The following ATP6V1D variants were observed in gnomAD, a reference collection of about 807,000 sequenced individuals.
ATP6V1D encodes the protein V-type proton ATPase subunit D.
In ATP6V1D, 20 loss-of-function variants were observed where a neutral mutation model predicts 39.4. The ratio of observed to expected loss-of-function variants is 0.51; its 90% CI spans 0.36 to 0.74. The LOEUF is 0.74. Ranked by LOEUF, ATP6V1D falls within the 30% of genes least tolerant of loss-of-function variation. The probability of loss-of-function intolerance (pLI) is 0.00; values close to 1 mark genes in which losing one functional copy is unlikely to be tolerated. For missense variants in ATP6V1D, 228 were observed against 291.6 expected (o/e 0.78, Z 1.59); for synonymous variants, 100 against 100.5 (o/e 0.99, Z 0.03).
intron 7 of ATP6V1D, 29 bp from the exon 8 acceptor site, chr14:67,340,547 G>C (rs2085572511): frequency 6.4e-7 from 1 of 1,570,012 alleles, no homozygotes; most frequent in Non-Finnish European, 8.8e-7. Flanking sequence ...TAATATGTGT[G>C]AGAACTTCAA....
chr14:67,344,594 C>G (rs137874286), intron 6 of ATP6V1D, among the ~76,000 whole-genome samples: 246 of 152,154 alleles, frequency 1.6e-3, no homozygotes, highest in African/African-American at 5.7e-3. Flanking sequence ...AAGAGTGAAA[C>G]TGGGCTGGGT....
At position 67,350,673 on chromosome 14, in the gene ATP6V1D, G is replaced by T. The variant is rs546819501; in HGVS notation, c.177C>A (p.Gly59=). Residue 59 remains glycine (G), a synonymous_variant, in exon 3 of 9, where the codon GGC becomes GGA. Transcript: ENST00000216442. ...AAAAGGCAGCTTCTCTCATCACTTC[G>T]CCCATCAACATTTTAGTCTGGAAAA... ...KKIIETKMLM[G]EVMREAAFSL... 2 of 1,612,924 alleles carry T rather than the reference G, an allele frequency of 1.2e-6. No individual in the cohort carries two copies. The highest frequency in any genetic ancestry group is 2.7e-5 in the African/African-American group (2 of 74,836).
intron 7 of ATP6V1D, among the ~76,000 whole-genome samples, chr14:67,343,059 C>A (rs1055010336): frequency 2.0e-5 from 3 of 152,160 alleles, no homozygotes; most frequent in African/African-American, 7.2e-5. Context: ...ACAGAAAACA[C>A]TAAGGATCTT....
chr14:67,345,731 C>G, intron 6 of ATP6V1D, 37 bp downstream of exon 6: 1 of 1,449,962 alleles, frequency 6.9e-7, no homozygotes, highest in African/African-American at 1.4e-5. Flanking sequence ...TGTTACAAAT[C>G]AAACTACAGG....
In ATP6V1D at chr14:67,350,728, C is replaced by A. The variant is rs1244681239; in HGVS notation, c.160-38G>T. ...AAACCAACAGCAGATTCAACCAAGC[C>A]TTTTACAAGGAAATATTCCATCATA... On this transcript the variant is annotated intron_variant, in intron 2 of 8. Coordinates refer to ENST00000216442, the MANE Select transcript of ATP6V1D (RefSeq NM_015994.4). 3 of 1,558,260 alleles carry A rather than the reference C, an allele frequency of 1.9e-6. No homozygotes were observed. In the Admixed American group the frequency reaches 5.1e-5, roughly 26 times the overall value.
chr14:67,348,176 G>GT (rs1386247449), intron 4 of ATP6V1D, among the ~76,000 whole-genome samples: 1 of 151,990 alleles, frequency 6.6e-6, no homozygotes, highest in Non-Finnish European at 1.5e-5. Context: ...CTGGGTCCAA[G>GT]TGAGTCTCCT....
At chr14:67,354,781 C>A (rs1220774971) in intron 1 of ATP6V1D, among the ~76,000 whole-genome samples, 1 of 152,090 alleles carries the variant, frequency 6.6e-6, no homozygotes, top group African/African-American at 2.4e-5. Flanking sequence ...TATGGATTTA[C>A]TTTTTACTAC....
At position 67,342,322 on chromosome 14, in the gene ATP6V1D, T is replaced by C. The variant is rs572182142; in HGVS notation, c.523+1050A>G. ...GGTGGTGTATACCCTTCTAGTGTCT[T>C]TTCTATGCATAGATAACCTATTGGA... On this transcript the variant is annotated intron_variant, in intron 7 of 8. Transcript: ENST00000216442. Among the ~76,000 whole-genome samples, 52 of 152,052 alleles carry C rather than the reference T, an allele frequency of 3.4e-4. 2 individuals carry two copies. In the South Asian group the frequency reaches 0.011, roughly 31 times the overall value.
Position 67,340,384 on chromosome 14 carries a change from C to T in ATP6V1D, c.602+56G>A, listed in dbSNP as rs555469817. ...AAACCAACAAGTCATTCAGCAAATACAGCCTTTGGAATATGGAAAACAAAA... is the reference window on the plus strand; with the variant it reads ...AAACCAACAAGTCATTCAGCAAATATAGCCTTTGGAATATGGAAAACAAAA... On this transcript the variant is annotated intron_variant, in intron 8 of 8. Transcript: ENST00000216442. 191 of 1,454,056 alleles carry T rather than the reference C, an allele frequency of 1.3e-4. 4 individuals are homozygous for T. In the South Asian group the frequency reaches 2.0e-3, roughly 16 times the overall value. The allele number at this position is 1,454,056 out of a possible 1,614,324, so 90.1% of individuals were successfully genotyped here. A position where few individuals can be genotyped will look rare whatever the true frequency, so the allele number is the denominator to read the frequency against.
intron 6 of ATP6V1D, among the ~76,000 whole-genome samples, chr14:67,344,019 A>G (rs933850653): frequency 2.0e-5 from 3 of 152,220 alleles, no homozygotes; most frequent in African/African-American, 7.2e-5. Flanking sequence ...GTCCCTGAGT[A>G]AGGAAATCTT....
chr14:67,351,770 C>T (rs921101503), intron 2 of ATP6V1D, among the ~76,000 whole-genome samples: 10 of 152,188 alleles, frequency 6.6e-5, no homozygotes, highest in African/African-American at 2.4e-4. Flanking sequence ...ATCCTCCCAC[C>T]TCGGCCTCCC....
intron 8 of ATP6V1D, chr14:67,340,032 CAAAAAAAAAAA>C (rs34358102): frequency 1.4e-5 from 1 of 71,698 alleles, no homozygotes; most frequent in Non-Finnish European, 3.3e-5. Flanking sequence ...CTCTGTCTCA[CAAAAAAAAAAA>C]AAAAAAAAAG....
Position 67,359,264 on chromosome 14 carries a change from T to C in ATP6V1D, c.41+394A>G, listed in dbSNP as rs149352522. Among the ~76,000 whole-genome samples the C allele has an allele frequency of 1.6e-3, 243 of 152,332 alleles. 1 individual carries two copies. The highest frequency in any genetic ancestry group is 5.7e-3 in the African/African-American group (237 of 41,578). On this transcript the variant is annotated intron_variant, in intron 1 of 8. Transcript: ENST00000216442. The stretch of plus-strand genomic sequence containing the variant: ...TCTCAGAGCATTTATTAAAACCTCC[T>C]TGGCCTTTCCAGACGAATGTCTGGC...
intron 4 of ATP6V1D, among the ~76,000 whole-genome samples, chr14:67,348,313 G>T (rs1484640731): frequency 6.6e-6 from 1 of 151,862 alleles, no homozygotes; most frequent in Non-Finnish European, 1.5e-5. Flanking sequence ...CAGGCGATCC[G>T]CCCACCTTGG....
At chr14:67,359,608 C>G in intron 1 of ATP6V1D, 50 bp downstream of exon 1, 1 of 1,608,672 alleles carries the variant, frequency 6.2e-7, no homozygotes, top group South Asian at 1.1e-5. Flanking sequence ...AGGGACCGCG[C>G]TCCGGGTTCC....
At chr14:67,341,231 G>A (rs896205383) in intron 7 of ATP6V1D, among the ~76,000 whole-genome samples, 4 of 152,034 alleles carry the variant, frequency 2.6e-5, no homozygotes, top group African/African-American at 9.7e-5. Flanking sequence ...GAAGTGAGGA[G>A]CGTCTCTGCC....
At chr14:67,349,789 T>G (rs1056981011) in intron 3 of ATP6V1D, among the ~76,000 whole-genome samples, 8 of 152,162 alleles carry the variant, frequency 5.3e-5, no homozygotes, top group African/African-American at 1.9e-4. Flanking sequence ...TATTGATTGA[T>G]CTCCACCCTC....
chr14:67,353,156 T>C, intron 1 of ATP6V1D, 116 bp from the exon 2 acceptor site: 1 of 732,780 alleles, frequency 1.4e-6, no homozygotes, highest in South Asian at 2.2e-5. Context: ...AAAGTGAGAC[T>C]ATATAGAGAA....
Position 67,338,759 on chromosome 14 carries a change from T to C in ATP6V1D, c.606A>G (p.Leu202=). ...DEREREEFYR[L]KKIQEKKKIL... is the part of the protein sequence containing the mutation. Reference sequence around the variant, plus strand: ...TCTTTTTCTTCTCTTGTATTTTCTTTAACCTGTAAAATACAGGTGGGGGTG... The same window carrying C: ...TCTTTTTCTTCTCTTGTATTTTCTTCAACCTGTAAAATACAGGTGGGGGTG... Residue 202 remains leucine, a synonymous_variant, in exon 9 of 9, where the codon TTA becomes TTG. Transcript: ENST00000216442. 2 of 1,611,074 alleles carry C rather than the reference T, an allele frequency of 1.2e-6. No homozygotes were observed. Among genetic ancestry groups the C allele is most frequent in the Non-Finnish European group, 8.5e-7 (1 of 1,177,686 alleles).
Sources: gnomAD v4.1 joint callset for allele counts (sites outside exome capture counted in the v4.1 genomes callset) on GRCh38, gnomAD v4.1.1 for gene constraint, MANE v1.5 for transcripts, NCBI Gene and HGNC (gene_info 2026-07-23, HGNC 2026-07-21) for gene names.